PGGHG: variants seen among roughly 807,000 people sequenced by gnomAD.
PGGHG encodes the protein protein-glucosylgalactosylhydroxylysine glucosidase, also known as ATH1, acid trehalase-like 1.
In PGGHG, 67 loss-of-function variants were observed where a neutral mutation model predicts 74.5. The ratio of observed to expected loss-of-function variants is 0.90; its 90% CI spans 0.74 to 1.10. The LOEUF (loss-of-function observed/expected upper bound fraction) is 1.10, where lower values mean the gene tolerates loss of function less well. Among genes scored for constraint, PGGHG ranks in the 50% least tolerant of loss-of-function variants. The pLI, the probability that PGGHG is intolerant of heterozygous loss-of-function variation, is 0.00. For missense variants in PGGHG, 1,034 were observed against 981.5 expected (o/e 1.05, Z -0.72); for synonymous variants, 496 against 419.9 (o/e 1.18, Z -2.21).
Position 293,918 on chromosome 11 carries a change from C to CA in PGGHG, c.1703_1704insA (p.Phe569LeufsTer44). 1 of 1,611,926 alleles carries CA rather than the reference C, an allele frequency of 6.2e-7. No individual in the cohort carries two copies. Among genetic ancestry groups the CA allele is most frequent in the Non-Finnish European group, 8.5e-7 (1 of 1,179,330 alleles). Reference sequence around the variant, plus strand: ...AGGAGCTTTGCCAACATGGCTGAACCCTTCAAGGTCAGCCTGGCCACACCT... The same window carrying CA: ...AGGAGCTTTGCCAACATGGCTGAACCACTTCAAGGTCAGCCTGGCCACACCT... On this transcript the variant is annotated frameshift_variant, in exon 11 of 14. Transcript: ENST00000409548. LOFTEE classifies it high-confidence loss of function.
intron 6 of PGGHG, 53 bp from the exon 7 acceptor site, chr11:292,833 T>C: frequency 6.2e-7 from 1 of 1,612,382 alleles, no homozygotes; most frequent in Non-Finnish European, 8.5e-7. Flanking sequence ...GACAGGCCAC[T>C]AGGAATGAGA....
rs1845850773 is a variant in PGGHG, at chr11:295,812, G to A, written c.*1063G>A. On this transcript the variant is annotated 3_prime_UTR_variant, in exon 14 of 14. Transcript: ENST00000409548. Reference sequence around the variant, plus strand: ...CAGCAACATGGCTCCCCTCGCATCTGCATCTCCCTCCTGCTCTGGTGTTGC... The same window carrying A: ...CAGCAACATGGCTCCCCTCGCATCTACATCTCCCTCCTGCTCTGGTGTTGC... The A allele has an allele frequency of 6.6e-6, 1 of 152,264 alleles. No individual in the cohort carries two copies. Among genetic ancestry groups the A allele is most frequent in the Non-Finnish European group, 1.5e-5 (1 of 68,066 alleles). The allele number at this position is 152,264 out of a possible 1,614,324, so 9.4% of individuals were successfully genotyped here.
rs1038758706 is a variant in PGGHG, at chr11:289,991, C to A, written c.175C>A (p.Pro59Thr). ...CGGGGACACGCACCGGGCCATGCTG[C>A]CCAGCCCCCTCAACGTCCGGCTGGA... The part of the protein sequence containing the change: ...AGGDTHRAML[P>T]SPLNVRLEAP... The change falls in exon 2 of 14, where the codon CCC becomes ACC. Residue 59 changes from proline to threonine, a missense_variant. Physicochemically the swap from Pro to Thr is conservative, Grantham distance 38. Transcript: ENST00000409548. The surrounding 1 kb of genome is among the most constrained non-coding windows in gnomAD (Gnocchi z 5.6). 1 of 1,549,124 alleles carries A rather than the reference C, an allele frequency of 6.5e-7. No homozygotes were observed. Among genetic ancestry groups the A allele is most frequent in the African/African-American group, 1.4e-5 (1 of 73,172 alleles).
In PGGHG at chr11:289,646, C is replaced by A. The variant is rs952045311; in HGVS notation, c.-13-158C>A. The A allele has an allele frequency of 1.1e-6, 1 of 901,312 alleles. No homozygotes were observed. The highest frequency in any genetic ancestry group is 1.6e-6 in the Non-Finnish European group (1 of 615,126). 55.8% of individuals were successfully genotyped at this position (901,312 alleles called of 1,614,324 possible). ...CTCTGAGAGTCGAGCTCCTTTCCTG[C>A]GAGGCCCCGTCTAGGAGGGGCCTCA... On this transcript the variant is annotated intron_variant, in intron 1 of 13. Coordinates refer to ENST00000409548, the MANE Select transcript of PGGHG (RefSeq NM_025092.5). This position sits in a 1 kb window ranked among gnomAD's most constrained non-coding sequence, Gnocchi z 5.6.
Position 290,411 on chromosome 11 carries a change from AG to A in PGGHG, c.284del (p.Gly95AlafsTer93). ...CCAGGCTCCTTTCTTCACACCCTGG[AG>A]GGCCCCCGCTTCCGGGCCTCCCAGT... ...TNTGSFLHTL[E>X]GPRFRASQCI... On this transcript the variant is annotated frameshift_variant, in exon 3 of 14. Transcript: ENST00000409548. LOFTEE classifies it high-confidence loss of function. 11 of 1,546,706 alleles carry A rather than the reference AG, an allele frequency of 7.1e-6. No individual in the cohort carries two copies. The highest frequency in any genetic ancestry group is 7.8e-6 in the Non-Finnish European group (9 of 1,146,860).
chr11:289,652 C>A lies in PGGHG; in HGVS notation c.-13-152C>A. 1.0e-6 allele frequency: 1 copy of A among 979,062 alleles called. No individual in the cohort carries two copies. The highest frequency in any genetic ancestry group is 1.7e-5 in the South Asian group (1 of 57,228). The allele number at this position is 979,062 out of a possible 1,614,324, so 60.6% of individuals were successfully genotyped here. A position where few individuals can be genotyped will look rare whatever the true frequency, so the allele number is the denominator to read the frequency against. ...GAGTCGAGCTCCTTTCCTGCGAGGC[C>A]CCGTCTAGGAGGGGCCTCAGGAAAA... On this transcript the variant is annotated intron_variant, in intron 1 of 13. Coordinates refer to ENST00000409548, the MANE Select transcript of PGGHG (RefSeq NM_025092.5). This position sits in a 1 kb window ranked among gnomAD's most constrained non-coding sequence, Gnocchi z 5.6.
chr11:290,095 C>G lies in PGGHG; in HGVS notation c.259+20C>G, dbSNP rs1173728981. ...ACACAGGTAGCGCCACCTGGCCTGC[C>G]TCACCCCTGCCCCAGGCATTGTTCC... On this transcript the variant is annotated intron_variant, in intron 2 of 13. Transcript: ENST00000409548. The G allele has an allele frequency of 6.6e-7, 1 of 1,508,218 alleles. No homozygotes were observed. The highest frequency in any genetic ancestry group is 1.4e-5 in the African/African-American group (1 of 72,658). The allele number at this position is 1,508,218 out of a possible 1,614,324, so 93.4% of individuals were successfully genotyped here. A position where few individuals can be genotyped will look rare whatever the true frequency, so the allele number is the denominator to read the frequency against.
rs1318149073 is a variant in PGGHG at position 294,715 on chromosome 11, C to T, written c.2180C>T (p.Thr727Ile). Residue 727 changes from threonine (T) to isoleucine (I), a missense_variant, in exon 14 of 14, where the codon ACC (threonine) becomes ATC (isoleucine). Thr to Ile is a moderately conservative substitution (Grantham distance 89, BLOSUM62 -1). Coordinates refer to ENST00000409548, the MANE Select transcript of PGGHG (RefSeq NM_025092.5). ...GTCACCCTGGGTTCCTCCAGCCCCACCGAGTCACTCACTGTGGACCCTGCC... is the reference window on the plus strand; with the variant it reads ...GTCACCCTGGGTTCCTCCAGCCCCATCGAGTCACTCACTGTGGACCCTGCC... The part of the protein sequence containing the change: ...LWVTLGSSSP[T>I]ESLTVDPASE 3.7e-6 allele frequency: 6 copies of T among 1,610,312 alleles called. 1 individual carries two copies. The South Asian group carries it at 6.6e-5, about 18-fold the overall frequency.
Position 290,503 on chromosome 11 carries a change from C to G in PGGHG, c.373C>G (p.Pro125Ala). Reference protein sequence around the residue: ...AFRVSIARLAPGSGPITLLLR... With the variant: ...AFRVSIARLAAGSGPITLLLR... ...CCGAGTGTCCATCGCCCGCCTGGCC[C>G]CGGGGAGCGGGCCCATCACGCTGCT... Residue 125 changes from proline (P) to alanine (A), a missense_variant, in exon 3 of 14, where the codon CCG (proline) becomes GCG (alanine). Physicochemically the swap from Pro to Ala is conservative, Grantham distance 27 (BLOSUM62 -1). Transcript: ENST00000409548. 6.4e-7 allele frequency: 1 copy of G among 1,550,426 alleles called. No individual in the cohort carries two copies. The highest frequency in any genetic ancestry group is 1.2e-5 in the South Asian group (1 of 84,064).
chr11:292,710 T>C (rs776118411), intron 6 of PGGHG, 33 bp downstream of exon 6: 8 of 1,613,050 alleles, frequency 5.0e-6, no homozygotes, highest in South Asian at 1.1e-5. Context: ...TTCCTGCAAG[T>C]GTGGCCAGGC....
rs147463487 is a variant in PGGHG at position 293,866 on chromosome 11, G to A, written c.1651G>A (p.Ala551Thr). 1.8e-5 allele frequency: 29 copies of A among 1,613,556 alleles called. No homozygotes were observed. Among genetic ancestry groups the A allele is most frequent in the African/African-American group, 6.7e-5 (5 of 74,940 alleles). ...TGTGGGCTGGATGGAGCTGAAGGAC[G>A]CAGTGCGGGCCCGGGGCCTCCTGGA... The part of the protein sequence containing the change: ...FAVGWMELKD[A>T]VRARGLLDRS... The change falls in exon 11 of 14, where the codon GCA (alanine) becomes ACA (threonine). Residue 551 changes from alanine (A) to threonine (T), a missense_variant. By Grantham distance (58) the Ala-to-Thr change is moderately conservative. Coordinates refer to ENST00000409548, the MANE Select transcript of PGGHG (RefSeq NM_025092.5).
At position 290,039 on chromosome 11, in the gene PGGHG, CA is replaced by C. The variant is rs1845669057; in HGVS notation, c.224del (p.Gln75ArgfsTer2). ...RLEAPAGMGEQLTETFALDTN... is the reference protein window; with the variant it reads ...RLEAPAGMGEXLTETFALDTN... ...GGAGGCCCCTGCAGGGATGGGGGAG[CA>C]GCTGACCGAGACCTTCGCCCTGGAC... On this transcript the variant is annotated frameshift_variant, in exon 2 of 14. Coordinates refer to ENST00000409548, the MANE Select transcript of PGGHG (RefSeq NM_025092.5). LOFTEE classifies it high-confidence loss of function. The C allele has an allele frequency of 5.2e-6, 8 of 1,542,632 alleles. No individual in the cohort carries two copies. The highest frequency in any genetic ancestry group is 7.0e-6 in the Non-Finnish European group (8 of 1,145,890).
At position 294,923 on chromosome 11, in the gene PGGHG, G is replaced by A. The variant is rs1286325499; in HGVS notation, c.*174G>A. On this transcript the variant is annotated 3_prime_UTR_variant, in exon 14 of 14. Coordinates refer to ENST00000409548, the MANE Select transcript of PGGHG (RefSeq NM_025092.5). ...CTTTCTGCCTGTAGCCTGGACTCCC[G>A]TGGACCCCCGTGGGCAGGTGGCTTC... 5 of 728,824 alleles carry A rather than the reference G, an allele frequency of 6.9e-6. No homozygotes were observed. The highest frequency in any genetic ancestry group is 4.9e-5 in the South Asian group (2 of 40,512). The allele number at this position is 728,824 out of a possible 1,614,324, so 45.1% of individuals were successfully genotyped here. A position where few individuals can be genotyped will look rare whatever the true frequency, so the allele number is the denominator to read the frequency against.
rs1006472115 is a variant in PGGHG, at chr11:291,126, C to T, written c.906+13C>T. ...CTTCTGGGACCAGGTGAGCACTGTA[C>T]ACCCAGCACCAGCCACACAGCAGGC... On this transcript the variant is annotated intron_variant, in intron 4 of 13. Transcript: ENST00000409548. The T allele has an allele frequency of 1.9e-6, 3 of 1,543,848 alleles. No individual in the cohort carries two copies. Among genetic ancestry groups the T allele is most frequent in the African/African-American group, 1.4e-5 (1 of 73,178 alleles).
intron 11 of PGGHG, 73 bp from the exon 12 acceptor site, chr11:294,026 C>A: frequency 6.3e-7 from 1 of 1,575,460 alleles, no homozygotes; most frequent in South Asian, 1.2e-5. Context: ...AGCTTCCTGC[C>A]GGATCTTGGG....
intron 2 of PGGHG, among the ~76,000 whole-genome samples, 152 bp downstream of exon 2, chr11:290,227 C>G (rs896757444): frequency 6.6e-6 from 1 of 152,184 alleles, no homozygotes; most frequent in Non-Finnish European, 1.5e-5. Flanking sequence ...GTCCCCCCTT[C>G]CCTCCACCTG....
chr11:292,875 C>A lies in PGGHG; in HGVS notation c.1159-11C>A. 1 of 1,613,952 alleles carries A rather than the reference C, an allele frequency of 6.2e-7. No individual in the cohort carries two copies. Among genetic ancestry groups the A allele is most frequent in the African/African-American group, 1.3e-5 (1 of 75,048 alleles). ...GGGGCCCTGGCCTCTGTGCCTCCTC[C>A]TGCTCCCCAGGACCTGCAGCTATTT... On this transcript the variant is annotated splice_polypyrimidine_tract_variant and intron_variant, in intron 6 of 13. Coordinates refer to ENST00000409548, the MANE Select transcript of PGGHG (RefSeq NM_025092.5).
Position 294,555 on chromosome 11 carries a change from G to A in PGGHG, c.2021-1G>A. The A allele has an allele frequency of 6.2e-7, 1 of 1,606,316 alleles. No individual in the cohort carries two copies. Among genetic ancestry groups the A allele is most frequent in the Non-Finnish European group, 8.5e-7 (1 of 1,175,624 alleles). On this transcript the variant is annotated splice_acceptor_variant, in intron 13 of 13. Coordinates refer to ENST00000409548, the MANE Select transcript of PGGHG (RefSeq NM_025092.5). LOFTEE classifies it high-confidence loss of function. Reference sequence around the variant, plus strand: ...CCCCCAGGCTGCCTCTCTCCCTGCAGGACACAAGGTCTCCTTTCCCCGCTC... The same window carrying A: ...CCCCCAGGCTGCCTCTCTCCCTGCAAGACACAAGGTCTCCTTTCCCCGCTC...
At chr11:291,731 C>T (rs969222826) in intron 4 of PGGHG, 36 of 499,016 alleles carry the variant, frequency 7.2e-5, no homozygotes, top group Non-Finnish European at 1.1e-4. Context: ...GGGCTGGAGC[C>T]TCTGAGGCCA....
Sources: gnomAD v4.1 joint callset for allele counts (sites outside exome capture counted in the v4.1 genomes callset) on GRCh38, gnomAD v4.1.1 for gene constraint, Gnocchi (gnomAD v3.1) non-coding constraint, MANE v1.5 for transcripts, NCBI Gene and HGNC (gene_info 2026-07-23, HGNC 2026-07-21) for gene names.